Variants in HHAT observed in about 807,000 individuals in gnomAD.
The protein encoded by HHAT is hedgehog acyltransferase.
HHAT carries 47 observed loss-of-function variants against 70.8 expected under a neutral mutation model. The observed-to-expected ratio is 0.66, with a 90% CI of 0.53 to 0.85. The LOEUF (loss-of-function observed/expected upper bound fraction) is 0.85, where lower values mean the gene tolerates loss of function less well. Ranked by LOEUF, HHAT falls within the 40% of genes least tolerant of loss-of-function variation. The probability of loss-of-function intolerance (pLI) is 0.00; values close to 1 mark genes in which losing one functional copy is unlikely to be tolerated. For synonymous variants in HHAT, 228 were observed against 247.6 expected (o/e 0.92, Z 0.74); for missense variants, 609 against 604.8 (o/e 1.01, Z -0.07).
At chr1:210,356,900 C>CT (rs1188313488) in intron 2 of HHAT, among the ~76,000 whole-genome samples, 1 of 152,182 alleles carries the variant, frequency 6.6e-6, no homozygotes, top group African/African-American at 2.4e-5. Context: ...GGTGAGCTGA[C>CT]TGAGTATGTC....
intron 8 of HHAT, among the ~76,000 whole-genome samples, chr1:210,509,576 A>G (rs1385761374): frequency 6.6e-6 from 1 of 152,190 alleles, no homozygotes; most frequent in Non-Finnish European, 1.5e-5. Context: ...AATAGTATCT[A>G]TCTACCTCAT....
chr1:210,402,486 A>T (rs898050971), intron 5 of HHAT, among the ~76,000 whole-genome samples: 9 of 152,116 alleles, frequency 5.9e-5, no homozygotes, highest in African/African-American at 1.9e-4. Flanking sequence ...TGTCCACCGG[A>T]TTCTCTTTCA....
intron 7 of HHAT, among the ~76,000 whole-genome samples, chr1:210,419,525 C>A (rs2092830038): frequency 6.6e-6 from 1 of 152,198 alleles, no homozygotes; most frequent in African/African-American, 2.4e-5. Context: ...CAGCCTGTAG[C>A]TCCAATAACT....
chr1:210,595,075 A>G (rs1662627432), intron 10 of HHAT, among the ~76,000 whole-genome samples: 1 of 152,042 alleles, frequency 6.6e-6, no homozygotes, highest in South Asian at 2.1e-4. Flanking sequence ...TTAACTCATC[A>G]TTTAGCATTA....
At chr1:210,460,706 A>G (rs1431370860) in intron 7 of HHAT, among the ~76,000 whole-genome samples, 1 of 152,206 alleles carries the variant, frequency 6.6e-6, no homozygotes, top group African/African-American at 2.4e-5. Flanking sequence ...TTGAGCTGGG[A>G]TCTGAAGGAT....
At chr1:210,397,560 T>G (rs1431939927) in intron 4 of HHAT, among the ~76,000 whole-genome samples, 1 of 151,866 alleles carries the variant, frequency 6.6e-6, no homozygotes, top group Admixed American at 6.6e-5. Context: ...AACACAATTT[T>G]TTTTTTTTTT....
At chr1:210,474,237 G>C (rs561706107) in intron 8 of HHAT, among the ~76,000 whole-genome samples, 1 of 152,338 alleles carries the variant, frequency 6.6e-6, no homozygotes, top group African/African-American at 2.4e-5. Context: ...TATTTTCTAA[G>C]TGAAAGAATG....
At chr1:210,651,375 C>T (rs1675099958) in intron 11 of HHAT, among the ~76,000 whole-genome samples, 1 of 152,184 alleles carries the variant, frequency 6.6e-6, no homozygotes. Context: ...GCTGAAAGAG[C>T]AAAAAGGGAC....
chr1:210,597,518 A>G (rs142902558), intron 10 of HHAT, among the ~76,000 whole-genome samples: 449 of 152,118 alleles, frequency 3.0e-3, no homozygotes, highest in Non-Finnish European at 5.1e-3. Flanking sequence ...TTATTCTACT[A>G]CAGCTGAGCT....
At chr1:210,401,677 T>C (rs949465519) in intron 5 of HHAT, among the ~76,000 whole-genome samples, 3 of 152,210 alleles carry the variant, frequency 2.0e-5, no homozygotes, top group East Asian at 3.8e-4. Flanking sequence ...TTATTTTTTT[T>C]CTCAGTCACA....
rs10535187 is a variant in HHAT at position 210,429,593 on chromosome 1, A to AT, written c.856+11279dup. On this transcript the variant is annotated intron_variant, in intron 7 of 11. Transcript: ENST00000261458. The stretch of plus-strand genomic sequence containing the variant: ...TCTAGAGTCCTGATTTAATAAAACA[A>AT]TTTTTTTTTTTGCAAAAATAACTTC... 3.0e-3 allele frequency among the ~76,000 whole-genome samples: 451 copies of AT among 150,392 alleles called. 13 individuals are homozygous for AT. Among genetic ancestry groups the AT allele is most frequent in the African/African-American group, 9.7e-3 (393 of 40,490 alleles).
intron 8 of HHAT, among the ~76,000 whole-genome samples, chr1:210,504,046 T>C (rs1357069677): frequency 6.6e-6 from 1 of 152,194 alleles, no homozygotes; most frequent in African/African-American, 2.4e-5. Context: ...TTCAAAACTT[T>C]TGTGCTTCAA....
chr1:210,441,835 T>A (rs1572463856), intron 7 of HHAT, among the ~76,000 whole-genome samples: 1 of 151,448 alleles, frequency 6.6e-6, no homozygotes, highest in African/African-American at 2.4e-5. Context: ...TACACACACA[T>A]ATATACACAC....
chr1:210,548,144 TCTG>T (rs2095499689), intron 9 of HHAT, among the ~76,000 whole-genome samples: 1 of 152,212 alleles, frequency 6.6e-6, no homozygotes, highest in African/African-American at 2.4e-5. Flanking sequence ...ACATTTCTGT[TCTG>T]CTGTCAGTGC....
chr1:210,480,757 A>C (rs1349527255), intron 8 of HHAT, among the ~76,000 whole-genome samples: 2 of 152,182 alleles, frequency 1.3e-5, no homozygotes. Context: ...CTTTAGGCTC[A>C]GCTGACCTCT....
chr1:210,522,175 G>C (rs760952865), intron 9 of HHAT, among the ~76,000 whole-genome samples: 2 of 152,202 alleles, frequency 1.3e-5, no homozygotes, highest in Non-Finnish European at 2.9e-5. Context: ...AGTCTAAAGT[G>C]TGTGTCTTTG....
chr1:210,389,515 G>A, intron 4 of HHAT, among the ~76,000 whole-genome samples: 1 of 152,198 alleles, frequency 6.6e-6, no homozygotes, highest in East Asian at 1.9e-4. Context: ...AATCATGGGG[G>A]CAGACTTCCC....
intron 9 of HHAT, among the ~76,000 whole-genome samples, chr1:210,557,627 A>C (rs1242431579): frequency 6.6e-6 from 1 of 152,180 alleles, no homozygotes; most frequent in Non-Finnish European, 1.5e-5. Flanking sequence ...CACTTCTTAC[A>C]TGACGGCAGC....
intron 9 of HHAT, among the ~76,000 whole-genome samples, chr1:210,561,722 G>A (rs1158971922): frequency 6.6e-6 from 1 of 152,192 alleles, no homozygotes; most frequent in African/African-American, 2.4e-5. Flanking sequence ...TGTACACATT[G>A]TGAAGTAATT....
Sources: gnomAD v4.1 joint callset for allele counts (sites outside exome capture counted in the v4.1 genomes callset) on GRCh38, gnomAD v4.1.1 for gene constraint, MANE v1.5 for transcripts, NCBI Gene and HGNC (gene_info 2026-07-23, HGNC 2026-07-21) for gene names.